ITGA4: variants seen among roughly 807,000 people sequenced by gnomAD.
ITGA4 encodes the protein integrin subunit alpha 4.
ITGA4 carries 63 observed loss-of-function variants against 133.6 expected under a neutral mutation model. The observed-to-expected ratio is 0.47, with a 90% CI of 0.38 to 0.58. The LOEUF (loss-of-function observed/expected upper bound fraction) is 0.58, where lower values mean the gene tolerates loss of function less well. Ranked by LOEUF, ITGA4 falls within the 20% of genes least tolerant of loss-of-function variation. The pLI, the probability that ITGA4 is intolerant of heterozygous loss-of-function variation, is 0.00. For synonymous variants in ITGA4, 483 were observed against 438.0 expected (o/e 1.10, Z -1.28); for missense variants, 1,076 against 1,252.7 (o/e 0.86, Z 2.13).
At position 181,475,205 on chromosome 2, in the gene ITGA4, A is replaced by C; in HGVS notation, c.473A>C (p.Asn158Thr). The stretch of plus-strand genomic sequence containing the variant: ...AATATATTTTACATAAAGAATGAAA[A>C]TAAGCTCCCCACTGGTGGTTGCTAT... ...WKNIFYIKNE[N>T]KLPTGGCYGV... Residue 158 changes from asparagine (N) to threonine (T), a missense_variant, in exon 4 of 28, where the codon AAT becomes ACT. Asn to Thr is a moderately conservative substitution (Grantham distance 65, BLOSUM62 0). This residue lies in a region of ITGA4 where 436 missense variants were observed against 590.7 expected (regional missense o/e 0.74). Transcript: ENST00000397033. 6.2e-7 allele frequency: 1 copy of C among 1,613,088 alleles called. No homozygotes were observed. The highest frequency in any genetic ancestry group is 8.5e-7 in the Non-Finnish European group (1 of 1,179,028).
At chr2:181,524,435 G>A (rs943681237) in intron 20 of ITGA4, 185 bp downstream of exon 20, 1 of 490,256 alleles carries the variant, frequency 2.0e-6, no homozygotes, top group Admixed American at 4.1e-5. Context: ...TAGCTCTTGA[G>A]CTATGTTAAG....
chr2:181,523,500 A>G lies in ITGA4; in HGVS notation c.2137A>G (p.Ile713Val). 1 of 1,602,058 alleles carries G rather than the reference A, an allele frequency of 6.2e-7. No homozygotes were observed. The highest frequency in any genetic ancestry group is 8.6e-7 in the Non-Finnish European group (1 of 1,169,342). Residue 713 changes from isoleucine to valine, a missense_variant, in exon 19 of 28, where the codon ATT becomes GTT. Coordinates refer to ENST00000397033, the MANE Select transcript of ITGA4 (RefSeq NM_000885.6). The surrounding 1 kb of genome is among the most constrained non-coding windows in gnomAD (Gnocchi z 4.2). ...NSGVVQLDCS[I>V]GYIYVDHLSR... ...TGGCGTGGTACAACTTGACTGCAGTATTGGCTATATATATGTAGATCATCT... is the reference window on the plus strand; with the variant it reads ...TGGCGTGGTACAACTTGACTGCAGTGTTGGCTATATATATGTAGATCATCT...
intron 9 of ITGA4, among the ~76,000 whole-genome samples, chr2:181,485,314 A>G (rs1685890505): frequency 1.3e-5 from 2 of 152,296 alleles, no homozygotes; most frequent in South Asian, 2.1e-4. Context: ...TTTTGCTGCT[A>G]GTTTTCTCTG....
chr2:181,525,241 A>G lies in ITGA4; in HGVS notation c.2289A>G (p.Arg763=). Residue 763 remains arginine, a synonymous_variant, in exon 21 of 28, where the codon AGA becomes AGG. Coordinates refer to ENST00000397033, the MANE Select transcript of ITGA4 (RefSeq NM_000885.6). ...EEEMDNLKHS[R]VTVAIPLKYE... ...AAATGGACAATCTAAAGCACAGCAG[A>G]GTGACTGTAGCAATACCTTTAAAAT... is the stretch of plus-strand genomic sequence containing the variant. The G allele has an allele frequency of 1.9e-6, 3 of 1,608,736 alleles. No homozygotes were observed. The South Asian group carries it at 3.3e-5, about 18-fold the overall frequency.
chr2:181,535,182 G>T (rs558175203), intron 27 of ITGA4, among the ~76,000 whole-genome samples: 1 of 152,174 alleles, frequency 6.6e-6, no homozygotes, highest in African/African-American at 2.4e-5. Flanking sequence ...AAATTACACG[G>T]AATGTCAATT....
chr2:181,460,173 A>C (rs547803727), intron 2 of ITGA4, among the ~76,000 whole-genome samples: 1 of 152,374 alleles, frequency 6.6e-6, no homozygotes, highest in Admixed American at 6.5e-5. Context: ...TTAACTTTCA[A>C]AATTTTGGCC....
At position 181,536,902 on chromosome 2, in the gene ITGA4, G is replaced by A. The variant is rs201086694; in HGVS notation, c.*1375G>A. The A allele has an allele frequency of 4.0e-5, 18 of 453,272 alleles. No individual in the cohort carries two copies. Among genetic ancestry groups the A allele is most frequent in the African/African-American group, 3.6e-4 (18 of 49,936 alleles). The allele number at this position is 453,272 out of a possible 1,614,324, so 28.1% of individuals were successfully genotyped here. A position where few individuals can be genotyped will look rare whatever the true frequency, so the allele number is the denominator to read the frequency against. ...TTATAGGGAGTGATCAAATTAGAAG[G>A]CAATGTGGAAAAACAATTCTGGGAA... On this transcript the variant is annotated 3_prime_UTR_variant, in exon 28 of 28. Transcript: ENST00000397033.
chr2:181,489,118 G>A (rs1477436931), intron 10 of ITGA4, among the ~76,000 whole-genome samples: 17 of 152,158 alleles, frequency 1.1e-4, no homozygotes, highest in Non-Finnish European at 1.3e-4. Context: ...GATACTTTGT[G>A]TTCATGGCAA....
At position 181,536,662 on chromosome 2, in the gene ITGA4, G is replaced by A. The variant is rs183833132; in HGVS notation, c.*1135G>A. On this transcript the variant is annotated 3_prime_UTR_variant, in exon 28 of 28. Coordinates refer to ENST00000397033, the MANE Select transcript of ITGA4 (RefSeq NM_000885.6). ...TGTATACAGTGAATATAAATGAGAC[G>A]ACAGCAAAATTTTCATGAAATGTAA... The A allele has an allele frequency of 3.6e-4, 65 of 178,308 alleles. No homozygotes were observed. Among genetic ancestry groups the A allele is most frequent in the Non-Finnish European group, 5.9e-4 (49 of 83,040 alleles). The allele number at this position is 178,308 out of a possible 1,614,324, so 11.0% of individuals were successfully genotyped here.
chr2:181,517,939 T>C (rs1004559815), intron 17 of ITGA4, among the ~76,000 whole-genome samples: 2 of 152,054 alleles, frequency 1.3e-5, no homozygotes, highest in African/African-American at 4.8e-5. Context: ...ATTTTATAAA[T>C]GTCTATTTCT....
intron 2 of ITGA4, 110 bp downstream of exon 2, chr2:181,458,427 G>A (rs1685188137): frequency 1.5e-6 from 2 of 1,343,654 alleles, no homozygotes; most frequent in Admixed American, 2.1e-5. Flanking sequence ...CTGGTTTAAA[G>A]AGCATAAAGT....
intron 22 of ITGA4, among the ~76,000 whole-genome samples, chr2:181,529,274 C>G (rs1279275434): frequency 1.3e-5 from 2 of 152,106 alleles, no homozygotes; most frequent in Non-Finnish European, 2.9e-5. Flanking sequence ...GACTGTTTCT[C>G]CAATAAACCA....
At position 181,523,175 on chromosome 2, in the gene ITGA4, CACACAT is replaced by C. The variant is rs557856695; in HGVS notation, c.2074-248_2074-243del. Among the ~76,000 whole-genome samples, 11 of 151,986 alleles carry C rather than the reference CACACAT, an allele frequency of 7.2e-5. No individual in the cohort carries two copies. The highest frequency in any genetic ancestry group is 2.1e-4 in the South Asian group (1 of 4,816). On this transcript the variant is annotated intron_variant, in intron 18 of 27. Transcript: ENST00000397033. The surrounding 1 kb of genome is among the most constrained non-coding windows in gnomAD (Gnocchi z 4.2). ...GTACACACATATATGTATATACACACACACATACACATACACATATATATACACACA... is the reference window on the plus strand; with the variant it reads ...GTACACACATATATGTATATACACACACACATACACATATATATACACACA...
At chr2:181,474,468 T>C (rs902814049) in intron 2 of ITGA4, among the ~76,000 whole-genome samples, 6 of 152,260 alleles carry the variant, frequency 3.9e-5, no homozygotes, top group African/African-American at 1.4e-4. Flanking sequence ...TATGTTCCAC[T>C]TTCTGCATGC....
At position 181,481,437 on chromosome 2, in the gene ITGA4, T is replaced by C. The variant is rs544260030; in HGVS notation, c.755-161T>C. Among the ~76,000 whole-genome samples the C allele has an allele frequency of 1.7e-4, 26 of 152,286 alleles. No homozygotes were observed. The South Asian group carries it at 4.8e-3, about 28-fold the overall frequency. Reference sequence around the variant, plus strand: ...AAACATATCAAAATTGCATAAAACATAATGAATGACCAATTTTGAGTATCT... The same window carrying C: ...AAACATATCAAAATTGCATAAAACACAATGAATGACCAATTTTGAGTATCT... On this transcript the variant is annotated intron_variant, in intron 6 of 27. Coordinates refer to ENST00000397033, the MANE Select transcript of ITGA4 (RefSeq NM_000885.6).
chr2:181,511,672 T>TA (rs767234812), intron 16 of ITGA4, 27 bp from the exon 17 acceptor site: 9 of 1,305,750 alleles, frequency 6.9e-6, no homozygotes, highest in East Asian at 4.6e-5. Context: ...TAAATCAAAA[T>TA]AAAAAACGTT....
intron 1 of ITGA4, 133 bp downstream of exon 1, chr2:181,457,984 C>A: frequency 8.9e-7 from 1 of 1,127,156 alleles, no homozygotes; most frequent in Non-Finnish European, 1.2e-6. Context: ...AGAGCCAGCT[C>A]GCTGGAAATC....
intron 22 of ITGA4, chr2:181,527,600 T>C (rs2105769376): frequency 2.1e-6 from 1 of 483,556 alleles, no homozygotes; most frequent in East Asian, 3.7e-5. Flanking sequence ...CCATATTTCC[T>C]TACAGGACAG....
At position 181,522,356 on chromosome 2, in the gene ITGA4, C is replaced by T. The variant is rs1368895722; in HGVS notation, c.2073+15C>T. On this transcript the variant is annotated intron_variant, in intron 18 of 27. Coordinates refer to ENST00000397033, the MANE Select transcript of ITGA4 (RefSeq NM_000885.6). ...TTTTAGAGCTGGTAAGTACTGTAAACCACAATAGCATGATACTACTTGGTA... is the reference window on the plus strand; with the variant it reads ...TTTTAGAGCTGGTAAGTACTGTAAATCACAATAGCATGATACTACTTGGTA... The T allele has an allele frequency of 6.4e-7, 1 of 1,557,424 alleles. No homozygotes were observed. Among genetic ancestry groups the T allele is most frequent in the Non-Finnish European group, 8.7e-7 (1 of 1,144,862 alleles).
Sources: gnomAD v4.1 joint callset for allele counts (sites outside exome capture counted in the v4.1 genomes callset) on GRCh38, gnomAD v4.1.1 for gene constraint, gnomAD v4.1.1 regional missense constraint, Gnocchi (gnomAD v3.1) non-coding constraint, MANE v1.5 for transcripts, NCBI Gene and HGNC (gene_info 2026-07-23, HGNC 2026-07-21) for gene names.